NKAIN2: variants seen among roughly 807,000 people sequenced by gnomAD.
NKAIN2 encodes the protein sodium/potassium transporting ATPase interacting 2.
Under a neutral mutation model 32.6 loss-of-function variants are expected in NKAIN2, and 14 were observed. The observed-to-expected ratio is 0.43, with a 90% CI of 0.28 to 0.67. The LOEUF (loss-of-function observed/expected upper bound fraction) is 0.67. NKAIN2 is among the 30% of genes least tolerant of loss of function. The pLI is 0.17. For synonymous variants in NKAIN2, 80 were observed against 87.2 expected (o/e 0.92, Z 0.46); for missense variants, 198 against 258.3 (o/e 0.77, Z 1.60).
chr6:124,305,214 C>T (rs891251924), intron 2 of NKAIN2, among the ~76,000 whole-genome samples: 3 of 151,976 alleles, frequency 2.0e-5, no homozygotes, highest in South Asian at 2.1e-4. Context: ...TTACAAGTGA[C>T]GTGATTGGAA....
intron 1 of NKAIN2, among the ~76,000 whole-genome samples, chr6:124,216,580 C>T (rs1791488279): frequency 6.6e-6 from 1 of 152,094 alleles, no homozygotes. Context: ...TTTACATTTT[C>T]GTTATAATTT....
At chr6:123,903,828 A>G (rs185786197) in intron 1 of NKAIN2, among the ~76,000 whole-genome samples, 2 of 152,332 alleles carry the variant, frequency 1.3e-5, no homozygotes, top group Non-Finnish European at 2.9e-5. Flanking sequence ...CACTATCGAT[A>G]GGATGAAAAC....
Position 124,583,564 on chromosome 6 carries a change from A to G in NKAIN2, c.274-74622A>G, listed in dbSNP as rs113176769. ...CTACATAAAGCGATCTAGAGTTTCA[A>G]TGTGATCCCTTTCAAAATACCAGTG... On this transcript the variant is annotated intron_variant, in intron 3 of 6. Transcript: ENST00000368417. Among the ~76,000 whole-genome samples, 678 of 152,318 alleles carry G rather than the reference A, an allele frequency of 4.5e-3. 4 individuals are homozygous for G. The highest frequency in any genetic ancestry group is 0.015 in the African/African-American group (624 of 41,568).
At chr6:123,978,073 A>G (rs1469297503) in intron 1 of NKAIN2, among the ~76,000 whole-genome samples, 2 of 152,228 alleles carry the variant, frequency 1.3e-5, no homozygotes, top group Non-Finnish European at 2.9e-5. Flanking sequence ...ACCTTTAAGA[A>G]ACACTCCTTT....
At chr6:123,950,005 G>A (rs922067811) in intron 1 of NKAIN2, among the ~76,000 whole-genome samples, 4 of 151,926 alleles carry the variant, frequency 2.6e-5, no homozygotes, top group African/African-American at 7.2e-5. Context: ...TTATCATGAA[G>A]GGATATTGAA....
At chr6:124,235,911 T>A (rs1025629671) in intron 1 of NKAIN2, among the ~76,000 whole-genome samples, 2 of 152,066 alleles carry the variant, frequency 1.3e-5, no homozygotes, top group Non-Finnish European at 2.9e-5. Context: ...TTTTATTTTT[T>A]TTTCTATTTA....
At chr6:123,960,367 C>G (rs1023209169) in intron 1 of NKAIN2, among the ~76,000 whole-genome samples, 5 of 152,138 alleles carry the variant, frequency 3.3e-5, no homozygotes, top group Non-Finnish European at 7.4e-5. Context: ...GACCTCTTCT[C>G]CTCTAGATTT....
Position 123,956,447 on chromosome 6 carries a change from G to A in NKAIN2, c.54+152193G>A, listed in dbSNP as rs185048497. 4.1e-4 allele frequency among the ~76,000 whole-genome samples: 63 copies of A among 152,250 alleles called. 1 individual carries two copies. The highest frequency in any genetic ancestry group is 3.3e-3 in the Admixed American group (50 of 15,282). On this transcript the variant is annotated intron_variant, in intron 1 of 6. Coordinates refer to ENST00000368417, the MANE Select transcript of NKAIN2 (RefSeq NM_001040214.3). ...AAACACCAGCGCACACTCTCTCTAC[G>A]TGTGCACACATAGAGGAATGGCTGT...
At chr6:124,253,121 A>T (rs980047662) in intron 1 of NKAIN2, among the ~76,000 whole-genome samples, 1 of 152,140 alleles carries the variant, frequency 6.6e-6, no homozygotes, top group African/African-American at 2.4e-5. Flanking sequence ...TGAGTTTTGA[A>T]GTTCATGAAC....
intron 3 of NKAIN2, among the ~76,000 whole-genome samples, chr6:124,519,267 G>C (rs1477126359): frequency 6.6e-6 from 1 of 152,218 alleles, no homozygotes; most frequent in African/African-American, 2.4e-5. Flanking sequence ...AAGTGTAAGA[G>C]TTGTTATAAT....
At chr6:124,322,605 T>G (rs973942917) in intron 2 of NKAIN2, among the ~76,000 whole-genome samples, 1 of 152,176 alleles carries the variant, frequency 6.6e-6, no homozygotes, top group African/African-American at 2.4e-5. Flanking sequence ...ACTGTGTCAT[T>G]TCTAGACTAT....
chr6:124,777,375 A>G (rs1410006114), intron 4 of NKAIN2, among the ~76,000 whole-genome samples: 1 of 152,132 alleles, frequency 6.6e-6, no homozygotes, highest in East Asian at 1.9e-4. Flanking sequence ...CTGGGTTTGA[A>G]TCTCAGCTCC....
intron 4 of NKAIN2, among the ~76,000 whole-genome samples, chr6:124,790,757 T>C (rs966562717): frequency 6.6e-6 from 1 of 152,090 alleles, no homozygotes; most frequent in Non-Finnish European, 1.5e-5. Context: ...TGTAATGCCA[T>C]ATTCAATGCA....
chr6:124,687,233 A>G (rs1773945022), intron 4 of NKAIN2, among the ~76,000 whole-genome samples: 2 of 145,992 alleles, frequency 1.4e-5, no homozygotes, highest in South Asian at 2.1e-4. Context: ...GAATATATAT[A>G]GAGAGAATAT....
intron 2 of NKAIN2, among the ~76,000 whole-genome samples, chr6:124,324,939 T>C (rs1424432559): frequency 6.6e-6 from 1 of 152,068 alleles, no homozygotes; most frequent in Non-Finnish European, 1.5e-5. Context: ...TGAATTTCCT[T>C]GGTTAATATT....
chr6:124,679,100 A>G (rs1343387224), intron 4 of NKAIN2, among the ~76,000 whole-genome samples: 1 of 152,088 alleles, frequency 6.6e-6, no homozygotes, highest in Non-Finnish European at 1.5e-5. Context: ...AGGTCTCATT[A>G]GGACTCCAAG....
At chr6:123,922,417 C>A (rs1775797776) in intron 1 of NKAIN2, among the ~76,000 whole-genome samples, 1 of 152,066 alleles carries the variant, frequency 6.6e-6, no homozygotes, top group South Asian at 2.1e-4. Flanking sequence ...GTTGTAATAA[C>A]TTCTTGGTGC....
At chr6:124,354,325 A>G (rs773726740) in intron 2 of NKAIN2, among the ~76,000 whole-genome samples, 1 of 152,258 alleles carries the variant, frequency 6.6e-6, no homozygotes, top group African/African-American at 2.4e-5. Flanking sequence ...TTGCATTCTC[A>G]GTGTCTTGCT....
intron 1 of NKAIN2, among the ~76,000 whole-genome samples, chr6:124,084,159 G>A (rs1784094198): frequency 6.6e-6 from 1 of 151,820 alleles, no homozygotes; most frequent in Non-Finnish European, 1.5e-5. Flanking sequence ...AGATTGGAGT[G>A]GATTATGGAA....
Sources: allele counts gnomAD v4.1 joint callset (sites outside exome capture counted in the v4.1 genomes callset), GRCh38; gene constraint gnomAD v4.1.1; transcripts MANE v1.5; gene names NCBI Gene and HGNC (gene_info 2026-07-23, HGNC 2026-07-21).